Variants in TTC28 observed in about 807,000 individuals in gnomAD.
TTC28 encodes the protein tetratricopeptide repeat domain 28.
In TTC28, 61 loss-of-function variants were observed where a neutral mutation model predicts 198.0. That is an observed-to-expected ratio of 0.31 (90% CI 0.25 to 0.38). The LOEUF is 0.38. Ranked by LOEUF, TTC28 falls within the 10% of genes least tolerant of loss-of-function variation. TTC28 has a pLI of 1.00. For missense variants in TTC28, 2,678 were observed against 3,164.0 expected (o/e 0.85, Z 3.69); for synonymous variants, 1,171 against 1,297.8 (o/e 0.90, Z 2.10).
intron 2 of TTC28, among the ~76,000 whole-genome samples, chr22:28,583,541 A>G (rs1453358085): frequency 1.3e-5 from 2 of 152,216 alleles, no homozygotes; most frequent in Admixed American, 6.5e-5. Context: ...GAGTTACATT[A>G]AATACCCATA....
intron 5 of TTC28, among the ~76,000 whole-genome samples, chr22:28,176,821 A>T (rs1923209207): frequency 1.3e-5 from 2 of 152,252 alleles, no homozygotes; most frequent in South Asian, 2.1e-4. Context: ...TCTTTTCAAC[A>T]AATGGTGCTA....
chr22:28,673,422 T>C (rs1392551325), intron 1 of TTC28, among the ~76,000 whole-genome samples: 2 of 152,166 alleles, frequency 1.3e-5, no homozygotes, highest in Admixed American at 6.6e-5. Flanking sequence ...TATTATTGTA[T>C]GTAGCTTCCC....
intron 2 of TTC28, among the ~76,000 whole-genome samples, chr22:28,574,712 G>A (rs554033114): frequency 1.3e-5 from 2 of 152,200 alleles, no homozygotes; most frequent in East Asian, 3.9e-4. Context: ...TTGGATAAAA[G>A]CCATTTTTAC....
At chr22:28,457,825 C>T (rs2047886203) in intron 2 of TTC28, among the ~76,000 whole-genome samples, 1 of 152,032 alleles carries the variant, frequency 6.6e-6, no homozygotes, top group Non-Finnish European at 1.5e-5. Context: ...TGTCAACTTC[C>T]AAGAAAAATG....
chr22:28,044,782 C>T (rs1939798463), intron 12 of TTC28, among the ~76,000 whole-genome samples: 1 of 152,166 alleles, frequency 6.6e-6, no homozygotes, highest in South Asian at 2.1e-4. Context: ...AACTCAGAAG[C>T]ATTTTTTGTA....
At chr22:28,048,567 C>T (rs906524292) in intron 12 of TTC28, among the ~76,000 whole-genome samples, 1 of 152,186 alleles carries the variant, frequency 6.6e-6, no homozygotes, top group Non-Finnish European at 1.5e-5. Flanking sequence ...AGATAAAAGA[C>T]ATAAATTCTT....
At chr22:28,184,581 T>G (rs1924016829) in intron 5 of TTC28, among the ~76,000 whole-genome samples, 1 of 152,166 alleles carries the variant, frequency 6.6e-6, no homozygotes. Flanking sequence ...AAATTTTTTT[T>G]TACCAATTTC....
chr22:28,162,608 A>C (rs1171399293), intron 6 of TTC28, among the ~76,000 whole-genome samples: 1 of 152,204 alleles, frequency 6.6e-6, no homozygotes, highest in Non-Finnish European at 1.5e-5. Context: ...CACCACGATG[A>C]CAGGAAGAAT....
chr22:28,130,446 T>C (rs1020397430), intron 6 of TTC28, among the ~76,000 whole-genome samples: 5 of 152,244 alleles, frequency 3.3e-5, no homozygotes, highest in Non-Finnish European at 7.3e-5. Context: ...TTCTCAATAA[T>C]GTCAATAATT....
chr22:28,489,017 C>A (rs1317602656), intron 2 of TTC28, among the ~76,000 whole-genome samples: 2 of 152,152 alleles, frequency 1.3e-5, no homozygotes, highest in Admixed American at 1.3e-4. Flanking sequence ...GGCATAGTAG[C>A]TCATGCCTGT....
chr22:28,536,606 A>C (rs1166806927), intron 2 of TTC28, among the ~76,000 whole-genome samples: 5 of 152,252 alleles, frequency 3.3e-5, no homozygotes, highest in Non-Finnish European at 5.9e-5. Context: ...CCTGGGCGAC[A>C]GAGCGAGACT....
intron 6 of TTC28, among the ~76,000 whole-genome samples, chr22:28,139,993 T>C (rs1943291993): frequency 6.6e-6 from 1 of 152,024 alleles, no homozygotes; most frequent in African/African-American, 2.4e-5. Context: ...ATGAGGAGGG[T>C]TGTCTTTCCC....
chr22:28,103,948 C>T (rs2060345659), intron 8 of TTC28, among the ~76,000 whole-genome samples: 1 of 152,194 alleles, frequency 6.6e-6, no homozygotes, highest in Non-Finnish European at 1.5e-5. Flanking sequence ...AGCCAACATT[C>T]TCATTTAATG....
chr22:28,383,125 T>C (rs1318728974), intron 2 of TTC28, among the ~76,000 whole-genome samples: 2 of 152,240 alleles, frequency 1.3e-5, no homozygotes, highest in South Asian at 2.1e-4. Context: ...AGAGATTGGA[T>C]GTAGACAGAA....
At chr22:28,472,358 T>G (rs2048106915) in intron 2 of TTC28, among the ~76,000 whole-genome samples, 1 of 152,136 alleles carries the variant, frequency 6.6e-6, no homozygotes, top group Non-Finnish European at 1.5e-5. Flanking sequence ...TTATGAACCT[T>G]AAGCGGTGAA....
rs141314806 is a variant in TTC28, at chr22:28,423,682, T to C, written c.382-117039A>G. Among the ~76,000 whole-genome samples, 76 of 152,340 alleles carry C rather than the reference T, an allele frequency of 5.0e-4. 3 individuals are homozygous for C. In the East Asian group the frequency reaches 0.014, roughly 29 times the overall value. On this transcript the variant is annotated intron_variant, in intron 2 of 22. Coordinates refer to ENST00000397906, the MANE Select transcript of TTC28 (RefSeq NM_001145418.2). The stretch of plus-strand genomic sequence containing the variant: ...AAATCAGAGCAATGCTTCCAAGTCC[T>C]GATGACAGTCACTGTATAGCACACA...
chr22:28,608,730 A>G (rs1433319759), intron 2 of TTC28, among the ~76,000 whole-genome samples: 1 of 152,194 alleles, frequency 6.6e-6, no homozygotes, highest in Non-Finnish European at 1.5e-5. Context: ...GTGTGCCCAA[A>G]CACACACAGG....
intron 6 of TTC28, among the ~76,000 whole-genome samples, chr22:28,120,671 A>G (rs1453417705): frequency 6.6e-6 from 1 of 152,232 alleles, no homozygotes; most frequent in Non-Finnish European, 1.5e-5. Flanking sequence ...ACAAATAGAA[A>G]GCCCTGAAAA....
At chr22:28,469,547 A>T (rs2048071354) in intron 2 of TTC28, among the ~76,000 whole-genome samples, 1 of 152,222 alleles carries the variant, frequency 6.6e-6, no homozygotes, top group African/African-American at 2.4e-5. Context: ...AAGTGACCTT[A>T]TAAGAGGGAG....
Sources: allele counts gnomAD v4.1 joint callset (sites outside exome capture counted in the v4.1 genomes callset), GRCh38; gene constraint gnomAD v4.1.1; transcripts MANE v1.5; gene names NCBI Gene and HGNC (gene_info 2026-07-23, HGNC 2026-07-21).